PDLIM2: variants seen among roughly 807,000 people sequenced by gnomAD.
The protein encoded by PDLIM2 is PDZ and LIM domain protein 2.
Under a neutral mutation model 54.1 loss-of-function variants are expected in PDLIM2, and 51 were observed. That is an observed-to-expected ratio of 0.94 (90% CI 0.75 to 1.19). The LOEUF (loss-of-function observed/expected upper bound fraction) is 1.19. PDLIM2 is among the 50% of genes most tolerant of loss of function. PDLIM2 has a pLI of 0.00. For missense variants in PDLIM2, 912 were observed against 874.0 expected (o/e 1.04, Z -0.55); for synonymous variants, 398 against 385.6 (o/e 1.03, Z -0.38).
intron 9 of PDLIM2, 178 bp downstream of exon 8, chr8:22,591,846 A>C: frequency 1.8e-6 from 1 of 564,990 alleles, no homozygotes. Context: ...CAGGCTTCTT[A>C]GGAGCCTAGG....
At chr8:22,585,145 G>T in exon 5 of PDLIM2, 1 of 1,613,474 alleles carries the variant, frequency 6.2e-7, no homozygotes. Flanking sequence ...TCACTGGAGA[G>T]GCAGCCATCA....
chr8:22,582,870 G>A (rs532486610), intron 3 of PDLIM2, among the ~76,000 whole-genome samples: 161 of 149,532 alleles, frequency 1.1e-3, no homozygotes, highest in Non-Finnish European at 1.9e-3. Context: ...ATTACACCGC[G>A]CCCGGCCCAG....
At chr8:22,594,600 A>C (rs149227360), downstream of PDLIM2, 57 of 1,613,948 alleles carry the variant, frequency 3.5e-5, no homozygotes, top group African/African-American at 6.4e-4. Flanking sequence ...GAGGGCGCCA[A>C]GCGGAGGGAC....
At chr8:22,595,681 T>C (rs1800671025), downstream of PDLIM2, 1 of 152,176 alleles carries the variant, frequency 6.6e-6, no homozygotes, top group Admixed American at 6.6e-5. Context: ...AGTGATGGGG[T>C]GGCTGCTGGG....
intron 6 of PDLIM2, 75 bp from the exon 6 acceptor site, chr8:22,589,223 C>A (rs1275219470): frequency 2.0e-6 from 3 of 1,480,882 alleles, no homozygotes; most frequent in South Asian, 2.4e-5. Context: ...CTGGGAACAG[C>A]CGGGCTAGGC....
chr8:22,582,248 T>A (rs1316153705), intron 3 of PDLIM2, among the ~76,000 whole-genome samples: 1 of 152,156 alleles, frequency 6.6e-6, no homozygotes, highest in African/African-American at 2.4e-5. Context: ...ACCCCCACAT[T>A]GTCCTGCTCT....
chr8:22,594,765 A>T, downstream of PDLIM2: 1 of 1,436,698 alleles, frequency 7.0e-7, no homozygotes, highest in Non-Finnish European at 9.2e-7. Context: ...TTCATTGGTG[A>T]TTGATTTGGA....
At chr8:22,584,588 G>A (rs1416435353) in intron 3 of PDLIM2, among the ~76,000 whole-genome samples, 1 of 152,236 alleles carries the variant, frequency 6.6e-6, no homozygotes, top group Admixed American at 6.5e-5. Flanking sequence ...TGGGATGATA[G>A]GCGTGGGTCA....
chr8:22,594,625 G>GA (rs753899687), downstream of PDLIM2: 1 of 1,613,792 alleles, frequency 6.2e-7, no homozygotes, highest in Non-Finnish European at 8.5e-7. Flanking sequence ...GGAAGACCAG[G>GA]AGACCCATCC....
chr8:22,584,150 CGT>C (rs1471188575), intron 3 of PDLIM2, among the ~76,000 whole-genome samples: 94 of 151,148 alleles, frequency 6.2e-4, no homozygotes, highest in Non-Finnish European at 1.2e-3. Context: ...TACAGGCATG[CGT>C]CACTATGGCT....
chr8:22,589,500 C>T, intron 7 of PDLIM2, 96 bp from the exon 7 acceptor site: 1 of 1,518,234 alleles, frequency 6.6e-7, no homozygotes, highest in South Asian at 1.2e-5. Flanking sequence ...TCCCAGATTC[C>T]TCCCCCTCCC....
At chr8:22,584,036 C>CT (rs1468296961) in intron 3 of PDLIM2, among the ~76,000 whole-genome samples, 1 of 151,884 alleles carries the variant, frequency 6.6e-6, no homozygotes, top group Non-Finnish European at 1.5e-5. Flanking sequence ...GAGTCTCACT[C>CT]TGTCGCCCAG....
At chr8:22,597,699 C>T (rs1800709675), downstream of PDLIM2, 1 of 152,478 alleles carries the variant, frequency 6.6e-6, no homozygotes, top group Admixed American at 6.5e-5. Flanking sequence ...GTCTGGGCTC[C>T]CTCCTACCCA....
chr8:22,592,738 T>A (rs927093788), intron 9 of PDLIM2: 6 of 152,244 alleles, frequency 3.9e-5, no homozygotes, highest in African/African-American at 1.4e-4. Flanking sequence ...AGAATGTGCA[T>A]TTCTCACGAA....
chr8:22,597,488 T>G (rs1586934034), downstream of PDLIM2: 1 of 152,186 alleles, frequency 6.6e-6, no homozygotes, highest in Non-Finnish European at 1.5e-5. Flanking sequence ...TGTGTTGGGG[T>G]GTGTGTGTGG....
chr8:22,580,282 C>G (rs1202529348), intron 1 of PDLIM2, 193 bp from the exon 1 acceptor site: 3 of 407,518 alleles, frequency 7.4e-6, no homozygotes, highest in Non-Finnish European at 1.4e-5. Context: ...GGCATCCCCT[C>G]CACTTGCCAG....
At chr8:22,595,455 A>T (rs1800666703), downstream of PDLIM2, 1 of 152,256 alleles carries the variant, frequency 6.6e-6, no homozygotes, top group Non-Finnish European at 1.5e-5. Flanking sequence ...GCTTCTGGGC[A>T]CAGCGGGAAT....
At chr8:22,589,269 A>ACTCCTCCCCGGCTGC (rs2117360314) in intron 6 of PDLIM2, 29 bp from the exon 6 acceptor site, 8 of 1,532,690 alleles carry the variant, frequency 5.2e-6, no homozygotes, top group Non-Finnish European at 7.0e-6. Context: ...TCTGGCCCTG[A>ACTCCTCCCCGGCTGC]CTCCTCCCCG....
intron 9 of PDLIM2, chr8:22,592,929 A>G (rs1429069692): frequency 6.6e-6 from 1 of 152,280 alleles, no homozygotes; most frequent in African/African-American, 2.4e-5. Flanking sequence ...GCAGGAGCGC[A>G]GTAGTGCCGT....
Sources: gnomAD v4.1 joint callset for allele counts (sites outside exome capture counted in the v4.1 genomes callset) on GRCh38, gnomAD v4.1.1 for gene constraint, MANE v1.5 for transcripts, NCBI Gene and HGNC (gene_info 2026-07-23, HGNC 2026-07-21) for gene names.